Variants in PDE6A observed in about 807,000 individuals in gnomAD.
The protein encoded by PDE6A is phosphodiesterase 6A, also known as rod cGMP-specific 3',5'-cyclic phosphodiesterase subunit alpha.
In PDE6A, 84 loss-of-function variants were observed where a neutral mutation model predicts 106.3. The ratio of observed to expected loss-of-function variants is 0.79; its 90% confidence interval spans 0.66 to 0.95. The LOEUF (loss-of-function observed/expected upper bound fraction) is 0.95, where lower values mean the gene tolerates loss of function less well. Ranked by LOEUF, PDE6A falls within the 40% of genes least tolerant of loss-of-function variation. The probability of loss-of-function intolerance (pLI) is 0.00; values close to 1 mark genes in which losing one functional copy is unlikely to be tolerated. For synonymous variants in PDE6A, 394 were observed against 386.6 expected (o/e 1.02, Z -0.23); for missense variants, 1,052 against 1,084.9 (o/e 0.97, Z 0.43).
Position 149,896,355 on chromosome 5 carries a change from C to T in PDE6A, c.1620+1G>A, listed in dbSNP as rs781377291. 21 of 1,611,608 alleles carry T rather than the reference C, an allele frequency of 1.3e-5. No homozygotes were observed. Among genetic ancestry groups the T allele is most frequent in the Non-Finnish European group, 1.7e-5 (20 of 1,177,824 alleles). The stretch of plus-strand genomic sequence containing the variant: ...ATCATATATATTTGTTTTGACCTCA[C>T]CTCTTGTGGAATGTGAAATTTATCC... On this transcript the variant is annotated splice_donor_variant, in intron 12 of 21. Transcript: ENST00000255266. LOFTEE classifies it high-confidence loss of function.
intron 8 of PDE6A, among the ~76,000 whole-genome samples, chr5:149,899,982 G>A (rs969215516): frequency 6.6e-6 from 1 of 151,624 alleles, no homozygotes; most frequent in African/African-American, 2.4e-5. Flanking sequence ...TCTCTCCTGG[G>A]GCCTCAATTT....
At chr5:149,932,948 C>T (rs1754085590) in intron 3 of PDE6A, among the ~76,000 whole-genome samples, 1 of 152,210 alleles carries the variant, frequency 6.6e-6, no homozygotes. Context: ...GCGGAGTGGC[C>T]AGCAGAGGGC....
chr5:149,944,191 A>C lies in PDE6A; in HGVS notation c.474+9T>G. On this transcript the variant is annotated intron_variant, in intron 1 of 21. Transcript: ENST00000255266. Reference sequence around the variant, plus strand: ...CCCCATGCCCTCTCTCTCATGGGGAAGAGAGTACCTCCTCTGTGTTGGGGA... The same window carrying C: ...CCCCATGCCCTCTCTCTCATGGGGACGAGAGTACCTCCTCTGTGTTGGGGA... 1.2e-4 allele frequency: 184 copies of C among 1,591,158 alleles called. No individual in the cohort carries two copies. Among genetic ancestry groups the C allele is most frequent in the Middle Eastern group, 1.7e-4 (1 of 6,018 alleles).
intron 1 of PDE6A, among the ~76,000 whole-genome samples, chr5:149,938,600 G>A (rs989260390): frequency 3.9e-5 from 6 of 152,206 alleles, no homozygotes; most frequent in African/African-American, 9.7e-5. Context: ...GCAAAGGAAT[G>A]ATATACAAGT....
At chr5:149,910,090 T>C (rs152950) in intron 6 of PDE6A, among the ~76,000 whole-genome samples, 120,837 of 152,128 alleles carry the variant, frequency 0.79, 48,464 homozygotes, top group African/African-American at 0.87. Context: ...TGTTATGAGG[T>C]GCTTGCAAAT....
At chr5:149,865,419 A>AG (rs1322137349) in intron 20 of PDE6A, among the ~76,000 whole-genome samples, 1 of 150,786 alleles carries the variant, frequency 6.6e-6, no homozygotes, top group Non-Finnish European at 1.5e-5. Context: ...AAAGAAAAAA[A>AG]AAAAACCAGC....
chr5:149,909,648 T>C (rs1561753996), intron 6 of PDE6A, among the ~76,000 whole-genome samples: 2 of 152,234 alleles, frequency 1.3e-5, no homozygotes, highest in Non-Finnish European at 2.9e-5. Context: ...GATGCATAGC[T>C]CATTACTTGT....
chr5:149,896,802 A>G (rs1228881532), intron 10 of PDE6A, 26 bp from the exon 11 acceptor site: 6 of 1,609,368 alleles, frequency 3.7e-6, no homozygotes, highest in East Asian at 2.2e-5. Context: ...ATGGCAGGGG[A>G]AAAAAAATAG....
At chr5:149,889,838 C>T (rs1475581014) in intron 13 of PDE6A, among the ~76,000 whole-genome samples, 3 of 147,730 alleles carry the variant, frequency 2.0e-5, no homozygotes, top group Non-Finnish European at 4.5e-5. Context: ...ACCCAGGAAG[C>T]AGAGGTTGCA....
chr5:149,867,055 C>A, intron 19 of PDE6A: 1 of 157,844 alleles, frequency 6.3e-6, no homozygotes, highest in Admixed American at 6.0e-5. Context: ...CTGCCTAAGC[C>A]TGCCGTGGTG....
chr5:149,892,436 G>T (rs1294806751), intron 13 of PDE6A, among the ~76,000 whole-genome samples: 1 of 151,674 alleles, frequency 6.6e-6, no homozygotes, highest in African/African-American at 2.4e-5. Context: ...ATAGTCTATG[G>T]ATATGTTATT....
rs1355130230 is a variant in PDE6A, at chr5:149,932,313, A to T, written c.718-1145T>A. 2.8e-6 allele frequency: 4 copies of T among 1,442,254 alleles called. No individual in the cohort carries two copies. In the African/African-American group the frequency reaches 5.5e-5, roughly 20 times the overall value. 89.3% of individuals were successfully genotyped at this position (1,442,254 alleles called of 1,614,324 possible). A position where few individuals can be genotyped will look rare whatever the true frequency, so the allele number is the denominator to read the frequency against. On this transcript the variant is annotated intron_variant, in intron 3 of 21. Transcript: ENST00000255266. ...TCTTTTTAGTCGGCCAACTGCACGG[A>T]TTTCTTCATTTTGAGGGGTTGTAGG...
chr5:149,914,892 G>T, intron 6 of PDE6A, 51 bp downstream of exon 6: 2 of 1,205,552 alleles, frequency 1.7e-6, no homozygotes, highest in Non-Finnish European at 2.5e-6. Flanking sequence ...AGCCAATTGA[G>T]ATCTTTAAGC....
intron 6 of PDE6A, among the ~76,000 whole-genome samples, chr5:149,911,964 G>A (rs1016926629): frequency 2.6e-5 from 4 of 152,058 alleles, no homozygotes; most frequent in Middle Eastern, 3.4e-3. Flanking sequence ...GACCAGCCTG[G>A]CAACATAGTG....
At position 149,859,146 on chromosome 5, in the gene PDE6A, A is replaced by G. The variant is rs1413563104; in HGVS notation, c.*1749T>C. On this transcript the variant is annotated 3_prime_UTR_variant, in exon 22 of 22. Coordinates refer to ENST00000255266, the MANE Select transcript of PDE6A (RefSeq NM_000440.3). Reference sequence around the variant, plus strand: ...GGCCAACATCTATCTTTTTAAACCAACAGAATGCCTGCTAATTTAAGAAAC... The same window carrying G: ...GGCCAACATCTATCTTTTTAAACCAGCAGAATGCCTGCTAATTTAAGAAAC... The G allele has an allele frequency of 6.6e-6, 1 of 152,166 alleles. No individual in the cohort carries two copies. Among genetic ancestry groups the G allele is most frequent in the Non-Finnish European group, 1.5e-5 (1 of 68,024 alleles). 9.4% of individuals were successfully genotyped at this position (152,166 alleles called of 1,614,324 possible).
At chr5:149,919,235 G>A (rs188113898) in intron 5 of PDE6A, among the ~76,000 whole-genome samples, 76 of 152,240 alleles carry the variant, frequency 5.0e-4, no homozygotes, top group African/African-American at 1.7e-3. Context: ...GGCCGGGTGC[G>A]GTGGCTCGCG....
intron 4 of PDE6A, 62 bp from the exon 5 acceptor site, chr5:149,921,771 A>C: frequency 3.9e-6 from 5 of 1,284,556 alleles, no homozygotes; most frequent in Non-Finnish European, 5.7e-6. Context: ...GGAGATTAAG[A>C]TGTCCCACCT....
At chr5:149,894,683 G>A (rs1486670821) in intron 13 of PDE6A, among the ~76,000 whole-genome samples, 4 of 143,270 alleles carry the variant, frequency 2.8e-5, no homozygotes, top group Non-Finnish European at 6.0e-5. Flanking sequence ...CCAGGCTGGA[G>A]TGCAGTGGCG....
chr5:149,913,668 G>A (rs554497885), intron 6 of PDE6A, among the ~76,000 whole-genome samples: 1 of 152,230 alleles, frequency 6.6e-6, no homozygotes, highest in Non-Finnish European at 1.5e-5. Context: ...AAGACTAAAG[G>A]TGTGGCTCTC....
Sources: allele counts gnomAD v4.1 joint callset (sites outside exome capture counted in the v4.1 genomes callset), GRCh38; gene constraint gnomAD v4.1.1; transcripts MANE v1.5; gene names NCBI Gene and HGNC (gene_info 2026-07-23, HGNC 2026-07-21).